Variants in PRPF3 observed in about 807,000 individuals in gnomAD.
PRPF3 encodes the protein pre-mRNA processing factor 3, also known as U4/U6 small nuclear ribonucleoprotein Prp3.
A neutral mutation model predicts 89.2 loss-of-function variants in PRPF3; 3 were observed. That is an observed-to-expected ratio of 0.03 (90% confidence interval 0.02 to 0.09). The LOEUF is 0.09. Among genes scored for constraint, PRPF3 ranks in the 10% least tolerant of loss-of-function variants. The pLI is 1.00. For synonymous variants in PRPF3, 270 were observed against 289.1 expected (o/e 0.93, Z 0.67); for missense variants, 463 against 828.8 (o/e 0.56, Z 5.42).
chr1:150,339,640 G>C (rs1292666960), intron 8 of PRPF3, among the ~76,000 whole-genome samples: 3 of 149,438 alleles, frequency 2.0e-5, no homozygotes, highest in African/African-American at 7.4e-5. Flanking sequence ...GTTTCTCCAT[G>C]TTGGTCAGGC....
chr1:150,338,667 A>C (rs1167587464), intron 8 of PRPF3, among the ~76,000 whole-genome samples: 1 of 152,094 alleles, frequency 6.6e-6, no homozygotes, highest in Non-Finnish European at 1.5e-5. Context: ...GGTGTGTGCC[A>C]CCATGCCCAT....
chr1:150,339,875 C>T (rs1225938221), intron 8 of PRPF3, among the ~76,000 whole-genome samples: 1 of 151,572 alleles, frequency 6.6e-6, no homozygotes, highest in Non-Finnish European at 1.5e-5. Flanking sequence ...AGGCAAATAC[C>T]ACCACACCTG....
In PRPF3 at chr1:150,352,818, A is replaced by AT; in HGVS notation, c.1906-14dup. The AT allele has an allele frequency of 1.9e-6, 3 of 1,613,052 alleles. No individual in the cohort carries two copies. Among genetic ancestry groups the AT allele is most frequent in the Admixed American group, 3.3e-5 (2 of 60,020 alleles). ...TAAGAAATTGAAGTGTTTTTATTAT[A>AT]TATCTCTTTTCTAGGGTACAGCCAA... On this transcript the variant is annotated splice_polypyrimidine_tract_variant and intron_variant, in intron 15 of 15. Transcript: ENST00000324862.
chr1:150,350,398 G>A (rs587618484), intron 15 of PRPF3, among the ~76,000 whole-genome samples: 2 of 149,906 alleles, frequency 1.3e-5, no homozygotes, highest in East Asian at 4.0e-4. Context: ...ACGGGGTTTC[G>A]CCATATTGGT....
intron 9 of PRPF3, among the ~76,000 whole-genome samples, chr1:150,341,351 G>T (rs1384444774): frequency 6.6e-6 from 1 of 150,820 alleles, no homozygotes; most frequent in Non-Finnish European, 1.5e-5. Flanking sequence ...ATTCCAAAGG[G>T]CTTTTTGTTA....
intron 12 of PRPF3, among the ~76,000 whole-genome samples, chr1:150,344,909 TGA>T (rs1221673724): frequency 6.6e-6 from 1 of 151,894 alleles, no homozygotes; most frequent in African/African-American, 2.4e-5. Flanking sequence ...TTAAATGGTC[TGA>T]GTTTGCTTCC....
In PRPF3 at chr1:150,340,383, T is replaced by C. The variant is rs782545258; in HGVS notation, c.1203-15T>C. On this transcript the variant is annotated splice_polypyrimidine_tract_variant and intron_variant, in intron 8 of 15. Coordinates refer to ENST00000324862, the MANE Select transcript of PRPF3 (RefSeq NM_004698.4). ...TACCCGCATATCGTGTTTTCTTTTCTTCCTACAATTTTAGTACAGAGGAAA... is the reference window on the plus strand; with the variant it reads ...TACCCGCATATCGTGTTTTCTTTTCCTCCTACAATTTTAGTACAGAGGAAA... 6.4e-7 allele frequency: 1 copy of C among 1,552,900 alleles called. No individual in the cohort carries two copies. The highest frequency in any genetic ancestry group is 8.9e-7 in the Non-Finnish European group (1 of 1,124,730).
chr1:150,339,737 GTT>G (rs71578484), intron 8 of PRPF3, among the ~76,000 whole-genome samples: 18 of 110,258 alleles, frequency 1.6e-4, no homozygotes, highest in East Asian at 1.1e-3. Context: ...CACGCCTGGC[GTT>G]TTTTTTTTTT....
chr1:150,338,674 C>G (rs182575370), intron 8 of PRPF3, among the ~76,000 whole-genome samples: 4 of 152,168 alleles, frequency 2.6e-5, no homozygotes, highest in Admixed American at 6.5e-5. Flanking sequence ...GCCACCATGC[C>G]CATCTGCTTT....
At chr1:150,333,567 CAACA>C (rs1297957009) in intron 6 of PRPF3, among the ~76,000 whole-genome samples, 2 of 152,186 alleles carry the variant, frequency 1.3e-5, no homozygotes, top group East Asian at 3.9e-4. Context: ...TCAAAGAAAA[CAACA>C]AACAAAATAT....
At chr1:150,344,288 C>G (rs1658067998) in intron 11 of PRPF3, 27 bp downstream of exon 11, 2 of 1,613,778 alleles carry the variant, frequency 1.2e-6, no homozygotes, top group African/African-American at 1.3e-5. Flanking sequence ...TGGGTGGAAA[C>G]CTCGGGCAAG....
chr1:150,326,585 C>T (rs1035467206), intron 3 of PRPF3, among the ~76,000 whole-genome samples: 1 of 152,024 alleles, frequency 6.6e-6, no homozygotes, highest in Non-Finnish European at 1.5e-5. Context: ...ATCAAACCTT[C>T]CAAAGTTCTT....
chr1:150,329,768 TTGTGTG>T (rs1233384102), intron 4 of PRPF3: 1 of 151,998 alleles, frequency 6.6e-6, no homozygotes. Flanking sequence ...TGGATTTTTT[TTGTGTG>T]TGTGTGTGAG....
intron 15 of PRPF3, among the ~76,000 whole-genome samples, chr1:150,350,421 G>A (rs1417586440): frequency 5.4e-5 from 8 of 148,548 alleles, no homozygotes; most frequent in Non-Finnish European, 8.9e-5. Context: ...AGCTGGTCTC[G>A]AACTCCTGAC....
chr1:150,339,821 T>A (rs1411820245), intron 8 of PRPF3, among the ~76,000 whole-genome samples: 1 of 150,160 alleles, frequency 6.7e-6, no homozygotes, highest in Admixed American at 6.7e-5. Context: ...TCTCCTGGGT[T>A]GAAGCAGTTC....
At position 150,324,960 on chromosome 1, in the gene PRPF3, G is replaced by A; in HGVS notation, c.18G>A (p.Arg6=). The A allele has an allele frequency of 6.2e-7, 1 of 1,611,330 alleles. No homozygotes were observed. ...CCTGAAAAATGGCACTGTCAAAGAGGGAGCTGGATGAGCTGAAACCATGGA... is the reference window on the plus strand; with the variant it reads ...CCTGAAAAATGGCACTGTCAAAGAGAGAGCTGGATGAGCTGAAACCATGGA... MALSK[R]ELDELKPWIE... is the part of the protein sequence containing the mutation. Residue 6 remains arginine (R), a synonymous_variant, in exon 2 of 16, where the codon AGG becomes AGA. Coordinates refer to ENST00000324862, the MANE Select transcript of PRPF3 (RefSeq NM_004698.4).
At chr1:150,338,401 T>C (rs587649232) in intron 8 of PRPF3, 75 bp downstream of exon 8, 2 of 1,426,116 alleles carry the variant, frequency 1.4e-6, no homozygotes, top group Middle Eastern at 1.8e-4. Flanking sequence ...TAATACCTTT[T>C]AGTAAAGCTA....
intron 9 of PRPF3, 122 bp downstream of exon 9, chr1:150,340,599 C>CT (rs1163942088): frequency 6.5e-5 from 51 of 783,924 alleles, no homozygotes; most frequent in Admixed American, 2.6e-4. Context: ...ATGTGTAATT[C>CT]TTTTTTTTAA....
At chr1:150,336,912 G>A (rs115302049) in intron 7 of PRPF3, among the ~76,000 whole-genome samples, 1,531 of 151,902 alleles carry the variant, frequency 0.01, 20 homozygotes, top group African/African-American at 0.034. Flanking sequence ...AACATTCTGA[G>A]TGACTAAGGA....
Sources: allele counts gnomAD v4.1 joint callset (sites outside exome capture counted in the v4.1 genomes callset), GRCh38; gene constraint gnomAD v4.1.1; transcripts MANE v1.5; gene names NCBI Gene and HGNC (gene_info 2026-07-23, HGNC 2026-07-21).